The following IFIH1 variants were observed in gnomAD, a reference collection of about 807,000 sequenced individuals.
The protein encoded by IFIH1 is interferon induced with helicase C domain 1, also known as interferon-induced helicase C domain-containing protein 1.
In IFIH1, 125 loss-of-function variants were observed where a neutral mutation model predicts 107.4. The ratio of observed to expected loss-of-function variants is 1.16; its 90% CI spans 1.01 to 1.35. The LOEUF is 1.35. Ranked by LOEUF, IFIH1 falls within the 40% of genes most tolerant of loss-of-function variation. IFIH1 has a pLI of 0.00. For missense variants in IFIH1, 1,333 were observed against 1,213.7 expected, an observed-to-expected ratio of 1.10 and a Z score of -1.46; for synonymous variants, 458 against 413.2, an observed-to-expected ratio of 1.11 and a Z score of -1.31.
chr2:162,306,449 T>TA (rs1170113556), intron 3 of IFIH1, among the ~76,000 whole-genome samples: 2 of 152,234 alleles, frequency 1.3e-5, no homozygotes, highest in Non-Finnish European at 2.9e-5. Context: ...ATACTTATCT[T>TA]ACAATGACTA....
chr2:162,286,682 G>T (rs1682899404), intron 5 of IFIH1, among the ~76,000 whole-genome samples: 1 of 151,808 alleles, frequency 6.6e-6, no homozygotes, highest in Non-Finnish European at 1.5e-5. Context: ...ATGCTCAAAT[G>T]GTTTCAAAAT....
chr2:162,310,883 T>C lies in IFIH1; in HGVS notation c.504A>G (p.Leu168=). 6.2e-7 allele frequency: 1 copy of C among 1,613,704 alleles called. No homozygotes were observed. The highest frequency in any genetic ancestry group is 8.5e-7 in the Non-Finnish European group (1 of 1,179,706). The stretch of plus-strand genomic sequence containing the variant: ...AGTTTTCTTTCTGCACAATCCTTTT[T>C]AGTAGCTCTCTTACACCTGATTCAT... ...NGNESGVREL[L]KRIVQKENWF... Residue 168 remains leucine, a synonymous_variant, in exon 2 of 16, where the codon CTA becomes CTG. Transcript: ENST00000649979.
chr2:162,309,004 T>C (rs967275636), intron 2 of IFIH1, among the ~76,000 whole-genome samples: 5 of 152,196 alleles, frequency 3.3e-5, no homozygotes, highest in Non-Finnish European at 7.3e-5. Flanking sequence ...CCAGTTGAGC[T>C]ACATGTTTCT....
chr2:162,304,580 T>C (rs997340996), intron 3 of IFIH1, among the ~76,000 whole-genome samples: 4 of 152,298 alleles, frequency 2.6e-5, no homozygotes, highest in Middle Eastern at 3.4e-3. Context: ...TGAATTGATA[T>C]CTTATATACT....
chr2:162,282,671 A>G, intron 5 of IFIH1, 95 bp from the exon 6 acceptor site: 1 of 713,502 alleles, frequency 1.4e-6, no homozygotes, highest in East Asian at 2.7e-5. Context: ...GCATGAAAAG[A>G]GGTGTTTACA....
chr2:162,295,714 T>C lies in IFIH1; in HGVS notation c.770-2046A>G, dbSNP rs555340927. The stretch of plus-strand genomic sequence containing the variant: ...ACACGGGAAAACCTGTATATCTCAC[T>C]GAGAGATTTAAAATATGGCACCTCG... On this transcript the variant is annotated intron_variant, in intron 3 of 15. Coordinates refer to ENST00000649979, the MANE Select transcript of IFIH1 (RefSeq NM_022168.4). Among the ~76,000 whole-genome samples the C allele has an allele frequency of 3.9e-5, 6 of 152,090 alleles. No homozygotes were observed. In the South Asian group the frequency reaches 1.2e-3, roughly 32 times the overall value.
intron 1 of IFIH1, among the ~76,000 whole-genome samples, chr2:162,311,648 A>T (rs1417067940): frequency 6.6e-6 from 1 of 151,610 alleles, no homozygotes; most frequent in Non-Finnish European, 1.5e-5. Context: ...TTAAATGTGG[A>T]TCTTTTGTGT....
chr2:162,297,423 A>T (rs1424098250), intron 3 of IFIH1, among the ~76,000 whole-genome samples: 1 of 152,180 alleles, frequency 6.6e-6, no homozygotes. Flanking sequence ...AGTCCAACAG[A>T]TAAGTCTCCA....
chr2:162,298,722 A>G (rs1271367549), intron 3 of IFIH1, among the ~76,000 whole-genome samples: 2 of 152,032 alleles, frequency 1.3e-5, no homozygotes, highest in Non-Finnish European at 2.9e-5. Flanking sequence ...ATCTTTTTTG[A>G]GAGGAAATAG....
rs1440598668 is a variant in IFIH1 at position 162,298,780 on chromosome 2, A to ACG, written c.770-5114_770-5113dup. On this transcript the variant is annotated intron_variant, in intron 3 of 15. Coordinates refer to ENST00000649979, the MANE Select transcript of IFIH1 (RefSeq NM_022168.4). ...TGTATATGGATCTACACACACACGCACGCGCGCGCGCACACACACACACAC... is the reference window on the plus strand; with the variant it reads ...TGTATATGGATCTACACACACACGCACGCGCGCGCGCGCACACACACACACAC... Among the ~76,000 whole-genome samples the ACG allele has an allele frequency of 1.7e-3, 261 of 151,090 alleles. 3 individuals carry two copies. The highest frequency in any genetic ancestry group is 5.2e-3 in the African/African-American group (213 of 40,884).
At chr2:162,295,817 G>T (rs1187963839) in intron 3 of IFIH1, among the ~76,000 whole-genome samples, 1 of 151,910 alleles carries the variant, frequency 6.6e-6, no homozygotes, top group Non-Finnish European at 1.5e-5. Context: ...AGCGTTTTGG[G>T]CAGATGTACT....
intron 4 of IFIH1, among the ~76,000 whole-genome samples, chr2:162,291,605 T>C (rs1334629983): frequency 6.6e-6 from 1 of 151,782 alleles, no homozygotes; most frequent in Non-Finnish European, 1.5e-5. Context: ...AATATGATTG[T>C]TTTGGGTCAC....
At chr2:162,279,932 C>G in intron 8 of IFIH1, 64 bp downstream of exon 8, 1 of 900,974 alleles carries the variant, frequency 1.1e-6, no homozygotes. Flanking sequence ...ATAAAATAGC[C>G]TTTGCCATCT....
intron 7 of IFIH1, among the ~76,000 whole-genome samples, chr2:162,281,031 G>C (rs1472831308): frequency 6.6e-6 from 1 of 152,002 alleles, no homozygotes; most frequent in African/African-American, 2.4e-5. Context: ...ATATCAGGTA[G>C]ATCATTAAAT....
At chr2:162,273,365 A>G (rs1450246812) in intron 12 of IFIH1, among the ~76,000 whole-genome samples, 1 of 152,288 alleles carries the variant, frequency 6.6e-6, no homozygotes, top group Non-Finnish European at 1.5e-5. Flanking sequence ...ATTGGAAAGG[A>G]TAAGGGAAGA....
intron 3 of IFIH1, among the ~76,000 whole-genome samples, chr2:162,303,744 T>A (rs1373488297): frequency 6.6e-6 from 1 of 152,188 alleles, no homozygotes; most frequent in Non-Finnish European, 1.5e-5. Flanking sequence ...AGTTTTATAC[T>A]AAGAAGTAAA....
intron 3 of IFIH1, among the ~76,000 whole-genome samples, chr2:162,302,301 A>C (rs1245883065): frequency 6.6e-6 from 1 of 152,210 alleles, no homozygotes; most frequent in Non-Finnish European, 1.5e-5. Context: ...TGCACTGAGA[A>C]AATATTTGAT....
chr2:162,267,597 C>T (rs780263094), intron 14 of IFIH1, 28 bp from the exon 15 acceptor site: 1 of 1,495,644 alleles, frequency 6.7e-7, no homozygotes, highest in East Asian at 2.2e-5. Context: ...AAAGAATCAT[C>T]ATGGAGAACT....
intron 12 of IFIH1, among the ~76,000 whole-genome samples, chr2:162,273,313 C>T (rs1283312796): frequency 6.6e-6 from 1 of 152,038 alleles, no homozygotes. Context: ...AAGTCTGCCC[C>T]CAACCAACAT....
Sources: gnomAD v4.1 joint callset for allele counts (sites outside exome capture counted in the v4.1 genomes callset) on GRCh38, gnomAD v4.1.1 for gene constraint, MANE v1.5 for transcripts, NCBI Gene and HGNC (gene_info 2026-07-23, HGNC 2026-07-21) for gene names.